The following HECTD2 variants were observed in gnomAD, a reference collection of about 807,000 sequenced individuals.
The protein encoded by HECTD2 is HECT domain E3 ubiquitin protein ligase 2, also known as probable E3 ubiquitin-protein ligase HECTD2.
Under a neutral mutation model 103.2 loss-of-function variants are expected in HECTD2, and 35 were observed. That is an observed-to-expected ratio of 0.34 (90% CI 0.26 to 0.45). HECTD2 has a LOEUF of 0.45. HECTD2 is among the 20% of genes least tolerant of loss of function. The pLI, the probability that HECTD2 is intolerant of heterozygous loss-of-function variation, is 1.00. For synonymous variants in HECTD2, 281 were observed against 329.9 expected (o/e 0.85, Z 1.61); for missense variants, 596 against 937.4 (o/e 0.64, Z 4.76).
rs539149469 is a variant in HECTD2 at position 91,502,316 on chromosome 10, C to T, written c.2210+982C>T. On this transcript the variant is annotated intron_variant, in intron 20 of 20. Transcript: ENST00000298068. ...TCTTCCTCCATGCTTTCAAGTTGTT[C>T]CCTTTACATGTGATGTGCCAGCTAT... Among the ~76,000 whole-genome samples the T allele has an allele frequency of 1.3e-5, 2 of 152,220 alleles. 1 individual carries two copies. Among genetic ancestry groups the T allele is most frequent in the South Asian group, 4.1e-4 (2 of 4,820 alleles).
At chr10:91,467,190 G>A (rs780020126) in intron 5 of HECTD2, among the ~76,000 whole-genome samples, 11 of 152,248 alleles carry the variant, frequency 7.2e-5, no homozygotes, top group African/African-American at 1.2e-4. Flanking sequence ...CTCTTGCCAC[G>A]GGCCTCCGGA....
At chr10:91,479,618 G>A (rs566640713) in intron 6 of HECTD2, among the ~76,000 whole-genome samples, 1 of 152,100 alleles carries the variant, frequency 6.6e-6, no homozygotes, top group African/African-American at 2.4e-5. Flanking sequence ...GGTTGTTTAT[G>A]TGAATAATTC....
At chr10:91,449,149 T>C (rs542756266) in intron 2 of HECTD2, among the ~76,000 whole-genome samples, 31 of 152,132 alleles carry the variant, frequency 2.0e-4, no homozygotes, top group East Asian at 3.8e-4. Flanking sequence ...GCAAACCAAA[T>C]GTAGCAGCGC....
chr10:91,456,244 A>C (rs1845085675), intron 2 of HECTD2, among the ~76,000 whole-genome samples: 4 of 152,118 alleles, frequency 2.6e-5, no homozygotes, highest in South Asian at 2.1e-4. Context: ...GTCCTGTTTT[A>C]TTTCGTTGAG....
rs1486248395 is a variant in HECTD2 at position 91,487,553 on chromosome 10, T to A, written c.1095-129T>A. On this transcript the variant is annotated intron_variant, in intron 10 of 20. Transcript: ENST00000298068. This position sits in a 1 kb window ranked among gnomAD's most constrained non-coding sequence, Gnocchi z 4.1. ...AAAGAAATTATACACATACAATCAT[T>A]TTGTATATGGTAAAACACAATCCAA... 2 of 724,402 alleles carry A rather than the reference T, an allele frequency of 2.8e-6. No individual in the cohort carries two copies. The highest frequency in any genetic ancestry group is 5.3e-5 in the East Asian group (2 of 37,686). The allele number at this position is 724,402 out of a possible 1,614,324, so 44.9% of individuals were successfully genotyped here.
chr10:91,436,959 G>A (rs1844144020), intron 2 of HECTD2, among the ~76,000 whole-genome samples: 1 of 151,924 alleles, frequency 6.6e-6, no homozygotes, highest in Non-Finnish European at 1.5e-5. Flanking sequence ...AGTTAAAGTG[G>A]AATTTCGGGA....
At chr10:91,416,381 T>A (rs1339741775) in intron 1 of HECTD2, among the ~76,000 whole-genome samples, 1 of 152,230 alleles carries the variant, frequency 6.6e-6, no homozygotes, top group Non-Finnish European at 1.5e-5. Context: ...AATGTTCTAG[T>A]CAATGACAGA....
intron 20 of HECTD2, among the ~76,000 whole-genome samples, chr10:91,503,803 T>C (rs1224542515): frequency 1.3e-5 from 2 of 152,204 alleles, no homozygotes; most frequent in South Asian, 2.1e-4. Context: ...CCTGCCTCTG[T>C]AGGCTCCACC....
At position 91,478,181 on chromosome 10, in the gene HECTD2, C is replaced by G. The variant is rs1335102669; in HGVS notation, c.601-20C>G. The G allele has an allele frequency of 1.9e-6, 3 of 1,554,712 alleles. No individual in the cohort carries two copies. The highest frequency in any genetic ancestry group is 3.4e-5 in the Admixed American group (2 of 59,558). ...TAATTTGGTAATCCTAATTACCTTA[C>G]TGTTTTCTTTTGCCTACAGCCTCAA... On this transcript the variant is annotated intron_variant, in intron 5 of 20. Transcript: ENST00000298068.
In HECTD2 at chr10:91,514,634, C is replaced by A. The variant is rs766816076; in HGVS notation, c.*2250C>A. 10 of 152,404 alleles carry A rather than the reference C, an allele frequency of 6.6e-5. No individual in the cohort carries two copies. The highest frequency in any genetic ancestry group is 1.3e-4 in the Non-Finnish European group (9 of 67,964). 9.4% of individuals were successfully genotyped at this position (152,404 alleles called of 1,614,324 possible). On this transcript the variant is annotated 3_prime_UTR_variant, in exon 21 of 21. Transcript: ENST00000298068. ...TAAACATCCTGTCCTTTTTTAAAATCTTTGCTTAGTCAGTCATATTTTTGT... is the reference window on the plus strand; with the variant it reads ...TAAACATCCTGTCCTTTTTTAAAATATTTGCTTAGTCAGTCATATTTTTGT...
rs537850560 is a variant in HECTD2, at chr10:91,506,295, G to T, written c.2210+4961G>T. ...AATCAGAGCAGAACTGAAGGAAATA[G>T]AGACACAGAAAACCCTTCAATAAAC... On this transcript the variant is annotated intron_variant, in intron 20 of 20. Coordinates refer to ENST00000298068, the MANE Select transcript of HECTD2 (RefSeq NM_182765.6). Among the ~76,000 whole-genome samples, 231 of 152,094 alleles carry T rather than the reference G, an allele frequency of 1.5e-3. 1 individual carries two copies. The highest frequency in any genetic ancestry group is 5.2e-3 in the African/African-American group (217 of 41,450).
intron 5 of HECTD2, among the ~76,000 whole-genome samples, chr10:91,477,515 C>T (rs1431287597): frequency 1.3e-5 from 2 of 152,060 alleles, no homozygotes; most frequent in Non-Finnish European, 2.9e-5. Context: ...TGCGGGGTTA[C>T]TGTAAGCAGA....
chr10:91,416,540 A>C (rs1166737378), intron 1 of HECTD2, among the ~76,000 whole-genome samples: 1 of 151,904 alleles, frequency 6.6e-6, no homozygotes, highest in Non-Finnish European at 1.5e-5. Context: ...CATATAACCT[A>C]GGTGTGTAGT....
chr10:91,504,124 T>C (rs577611499), intron 20 of HECTD2, among the ~76,000 whole-genome samples: 15 of 152,154 alleles, frequency 9.9e-5, no homozygotes, highest in African/African-American at 3.4e-4. Context: ...AAAACCCATC[T>C]GTACATCACC....
intron 2 of HECTD2, among the ~76,000 whole-genome samples, chr10:91,437,399 C>T (rs1844164703): frequency 6.6e-6 from 1 of 152,016 alleles, no homozygotes. Context: ...AGACAAACAT[C>T]TCAAAAGAGA....
intron 5 of HECTD2, among the ~76,000 whole-genome samples, chr10:91,476,519 G>T (rs1390953940): frequency 6.6e-6 from 1 of 152,208 alleles, no homozygotes; most frequent in Non-Finnish European, 1.5e-5. Flanking sequence ...AGGCTTCTCA[G>T]AAACAGGGCA....
chr10:91,430,189 T>C (rs1290247190), intron 2 of HECTD2, among the ~76,000 whole-genome samples: 1 of 152,214 alleles, frequency 6.6e-6, no homozygotes, highest in African/African-American at 2.4e-5. Context: ...TTGAGCAGTT[T>C]TGAGTGAGTT....
intron 1 of HECTD2, among the ~76,000 whole-genome samples, chr10:91,415,075 G>T (rs1440462360): frequency 7.2e-5 from 11 of 152,152 alleles, no homozygotes; most frequent in Admixed American, 5.9e-4. Flanking sequence ...TGTAAGGGAT[G>T]GGAGCATACA....
At chr10:91,504,351 C>A (rs1397521075) in intron 20 of HECTD2, among the ~76,000 whole-genome samples, 10 of 151,866 alleles carry the variant, frequency 6.6e-5, no homozygotes. Flanking sequence ...GACATTCAAA[C>A]CAAAGGCAAA....
Sources: allele counts gnomAD v4.1 joint callset (sites outside exome capture counted in the v4.1 genomes callset), GRCh38; gene constraint gnomAD v4.1.1; non-coding constraint Gnocchi (gnomAD v3.1); transcripts MANE v1.5; gene names NCBI Gene and HGNC (gene_info 2026-07-23, HGNC 2026-07-21).